FLT1: variants seen among roughly 807,000 people sequenced by gnomAD.
FLT1 encodes vascular endothelial growth factor receptor 1.
FLT1 carries 49 observed loss-of-function variants against 156.3 expected under a neutral mutation model. The ratio of observed to expected loss-of-function variants is 0.31; its 90% confidence interval spans 0.25 to 0.40. The LOEUF is 0.40. Ranked by LOEUF, FLT1 falls within the 10% of genes least tolerant of loss-of-function variation. The pLI, the probability that FLT1 is intolerant of heterozygous loss-of-function variation, is 1.00. For synonymous variants in FLT1, 594 were observed against 583.8 expected (o/e 1.02, Z -0.25); for missense variants, 1,322 against 1,637.2 (o/e 0.81, Z 3.32).
chr13:28,339,884 A>C (rs1014071070), intron 16 of FLT1, among the ~76,000 whole-genome samples: 4 of 152,236 alleles, frequency 2.6e-5, no homozygotes, highest in East Asian at 1.9e-4. Flanking sequence ...GTTGTAGCTG[A>C]ATCCTGAGTG....
intron 17 of FLT1, among the ~76,000 whole-genome samples, chr13:28,334,879 C>G (rs1013709081): frequency 6.6e-6 from 1 of 150,842 alleles, no homozygotes; most frequent in Non-Finnish European, 1.5e-5. Flanking sequence ...TCCTTGCCCC[C>G]CTTTACTCTG....
intron 1 of FLT1, among the ~76,000 whole-genome samples, chr13:28,484,524 G>C (rs188397570): frequency 2.1e-4 from 32 of 152,148 alleles, no homozygotes; most frequent in Non-Finnish European, 4.4e-4. Context: ...GAATGCCTAC[G>C]ATAAGAAAAC....
intron 22 of FLT1, 77 bp from the exon 23 acceptor site, chr13:28,321,662 A>C: frequency 5.4e-6 from 8 of 1,468,122 alleles, no homozygotes; most frequent in Middle Eastern, 1.7e-4. Flanking sequence ...CAGTGTCATT[A>C]TCTTAATTTG....
At chr13:28,466,671 T>C (rs1289537935) in intron 3 of FLT1, 5 of 595,052 alleles carry the variant, frequency 8.4e-6, no homozygotes, top group South Asian at 1.9e-5. Flanking sequence ...GGTACAGAGG[T>C]GACCTATACA....
At chr13:28,470,970 C>G (rs759127634) in intron 1 of FLT1, among the ~76,000 whole-genome samples, 1 of 152,164 alleles carries the variant, frequency 6.6e-6, no homozygotes, top group African/African-American at 2.4e-5. Flanking sequence ...GGATTACAGA[C>G]GTGAGCCACC....
intron 4 of FLT1, among the ~76,000 whole-genome samples, chr13:28,437,784 G>A (rs1054966101): frequency 4.6e-5 from 7 of 152,094 alleles, no homozygotes; most frequent in East Asian, 1.9e-4. Flanking sequence ...CAAACCAAAC[G>A]TGCTGGCTCC....
chr13:28,400,208 G>A (rs1363274930), intron 11 of FLT1, among the ~76,000 whole-genome samples: 1 of 152,122 alleles, frequency 6.6e-6, no homozygotes, highest in Non-Finnish European at 1.5e-5. Context: ...CCTTTAATCC[G>A]CAGAGATGGG....
intron 1 of FLT1, among the ~76,000 whole-genome samples, chr13:28,484,382 T>G (rs12863407): frequency 0.54 from 81,876 of 152,028 alleles, 22,467 homozygotes; most frequent in South Asian, 0.69. Flanking sequence ...TAAAGTGCTG[T>G]CCTCATGCTG....
intron 10 of FLT1, among the ~76,000 whole-genome samples, chr13:28,412,279 T>C (rs1190607529): frequency 1.3e-5 from 2 of 152,148 alleles, no homozygotes; most frequent in Non-Finnish European, 2.9e-5. Context: ...AAACACTATC[T>C]TTCCCCCTTC....
chr13:28,307,983 A>AGGATG (rs1217369742), intron 28 of FLT1, among the ~76,000 whole-genome samples: 1 of 152,220 alleles, frequency 6.6e-6, no homozygotes. Context: ...CATGTTAGCC[A>AGGATG]GGATGGTCTC....
chr13:28,431,284 T>A lies in FLT1; in HGVS notation c.840A>T (p.Arg280=), dbSNP rs1336529797. 1 of 1,613,786 alleles carries A rather than the reference T, an allele frequency of 6.2e-7. No homozygotes were observed. Among genetic ancestry groups the A allele is most frequent in the Admixed American group, 1.7e-5 (1 of 60,026 alleles). The part of the protein sequence containing the change: ...DEKNKRASVR[R]RIDQSNSHAN... ...CATGGGAATTGCTTTGGTCAATTCG[T>A]CGCCTTACGGAAGCTCTCTTATTTT... Residue 280 remains arginine, a synonymous_variant, in exon 7 of 30, where the codon CGA becomes CGT. Coordinates refer to ENST00000282397, the MANE Select transcript of FLT1 (RefSeq NM_002019.4).
chr13:28,430,060 C>G lies in FLT1; in HGVS notation c.1096G>C (p.Glu366Gln), dbSNP rs1334763989. ...TAAGGATGGTCCTACCATACAACTT[C>G]CGGCGAGGGAAATGCCTTCACTTTC... ...SMKVKAFPSPEVVWLKDGLPA... is the reference protein window; with the variant it reads ...SMKVKAFPSPQVVWLKDGLPA... The change falls in exon 8 of 30, where the codon GAA (glutamate) becomes CAA (glutamine). Residue 366 changes from glutamate (E) to glutamine (Q), a missense_variant. Coordinates refer to ENST00000282397, the MANE Select transcript of FLT1 (RefSeq NM_002019.4). 2 of 1,609,288 alleles carry G rather than the reference C, an allele frequency of 1.2e-6. No individual in the cohort carries two copies. Among genetic ancestry groups the G allele is most frequent in the Admixed American group, 1.7e-5 (1 of 59,994 alleles).
chr13:28,350,281 A>G (rs924741076), intron 15 of FLT1, among the ~76,000 whole-genome samples: 1 of 152,228 alleles, frequency 6.6e-6, no homozygotes, highest in Non-Finnish European at 1.5e-5. Flanking sequence ...ACTGACAAGA[A>G]TATAGCCAAT....
chr13:28,302,805 G>C lies in FLT1; in HGVS notation c.*362C>G, dbSNP rs1489452605. ...GCCCTGGGTTTTGGGCTGCAGGGCT[G>C]GCCCAGTGGGGTACGTGATGCATTG... On this transcript the variant is annotated 3_prime_UTR_variant, in exon 30 of 30. Coordinates refer to ENST00000282397, the MANE Select transcript of FLT1 (RefSeq NM_002019.4). 2 of 287,154 alleles carry C rather than the reference G, an allele frequency of 7.0e-6. No homozygotes were observed. The highest frequency in any genetic ancestry group is 5.1e-5 in the African/African-American group (2 of 39,390). 17.8% of individuals were successfully genotyped at this position (287,154 alleles called of 1,614,324 possible).
chr13:28,378,171 C>G (rs1438023757), intron 14 of FLT1, among the ~76,000 whole-genome samples: 1 of 151,622 alleles, frequency 6.6e-6, no homozygotes, highest in East Asian at 1.9e-4. Context: ...GCCTCAGGCT[C>G]CTGAGTAGCT....
At chr13:28,403,804 G>T (rs1196560594) in intron 11 of FLT1, among the ~76,000 whole-genome samples, 1 of 152,130 alleles carries the variant, frequency 6.6e-6, no homozygotes, top group Non-Finnish European at 1.5e-5. Context: ...AGAACTTTGG[G>T]AAGCCAAGGC....
chr13:28,390,149 G>A (rs1874622177), intron 12 of FLT1, 45 bp from the exon 13 acceptor site: 1 of 1,596,244 alleles, frequency 6.3e-7, no homozygotes, highest in African/African-American at 1.3e-5. Context: ...AAAAATCAGT[G>A]TCTTTTAATG....
chr13:28,467,239 G>T, intron 2 of FLT1, 110 bp from the exon 3 acceptor site: 1 of 839,276 alleles, frequency 1.2e-6, no homozygotes, highest in Non-Finnish European at 2.0e-6. Flanking sequence ...CTTAAGTGTA[G>T]TCATCTTCCT....
At chr13:28,365,822 A>G (rs1169971921) in intron 14 of FLT1, among the ~76,000 whole-genome samples, 2 of 152,214 alleles carry the variant, frequency 1.3e-5, no homozygotes, top group Non-Finnish European at 2.9e-5. Context: ...AGCCATAACA[A>G]TTCCCATGGA....
Sources: gnomAD v4.1 joint callset for allele counts (sites outside exome capture counted in the v4.1 genomes callset) on GRCh38, gnomAD v4.1.1 for gene constraint, MANE v1.5 for transcripts, NCBI Gene and HGNC (gene_info 2026-07-23, HGNC 2026-07-21) for gene names.